The following CYP39A1 variants were observed in gnomAD, a reference collection of about 807,000 sequenced individuals.
CYP39A1 encodes the protein cytochrome P450 family 39 subfamily A member 1, also known as 24-hydroxycholesterol 7-alpha-hydroxylase.
Under a neutral mutation model 58.1 loss-of-function variants are expected in CYP39A1, and 49 were observed. That is an observed-to-expected ratio of 0.84 (90% CI 0.67 to 1.07). The LOEUF is 1.07. Among genes scored for constraint, CYP39A1 ranks in the 50% least tolerant of loss-of-function variants. The pLI is 0.00. For synonymous variants in CYP39A1, 209 were observed against 187.6 expected (o/e 1.11, Z -0.93); for missense variants, 531 against 539.4 (o/e 0.98, Z 0.16).
At chr6:46,561,635 C>T (rs146049146) in intron 10 of CYP39A1, among the ~76,000 whole-genome samples, 9 of 152,034 alleles carry the variant, frequency 5.9e-5, no homozygotes, top group East Asian at 3.9e-4. Context: ...ACTTTAATAA[C>T]GAAAGTGCCC....
At chr6:46,641,731 G>T (rs1776350742) in intron 2 of CYP39A1, among the ~76,000 whole-genome samples, 1 of 152,110 alleles carries the variant, frequency 6.6e-6, no homozygotes, top group Non-Finnish European at 1.5e-5. Flanking sequence ...TATAAAATTT[G>T]TCAGGAAATG....
At chr6:46,588,828 T>C (rs1187055467) in intron 8 of CYP39A1, among the ~76,000 whole-genome samples, 1 of 152,176 alleles carries the variant, frequency 6.6e-6, no homozygotes, top group South Asian at 2.1e-4. Flanking sequence ...AACAATGTGT[T>C]TCCTCAGGTA....
At chr6:46,604,449 A>G (rs1328304156) in intron 7 of CYP39A1, among the ~76,000 whole-genome samples, 2 of 152,218 alleles carry the variant, frequency 1.3e-5, no homozygotes, top group East Asian at 3.8e-4. Flanking sequence ...AGCCCTTGAG[A>G]GCAAAGTAAA....
At chr6:46,612,908 G>T (rs981353888) in intron 7 of CYP39A1, among the ~76,000 whole-genome samples, 6 of 152,190 alleles carry the variant, frequency 3.9e-5, no homozygotes, top group Non-Finnish European at 7.3e-5. Flanking sequence ...AGGGACTCAG[G>T]TCTACAATAT....
intron 7 of CYP39A1, among the ~76,000 whole-genome samples, chr6:46,613,312 C>T (rs1454845206): frequency 1.3e-5 from 2 of 152,156 alleles, no homozygotes; most frequent in Non-Finnish European, 2.9e-5. Flanking sequence ...CACAGTGGTA[C>T]CAAAAACCAC....
At chr6:46,644,990 G>GTATTA (rs1248422828) in intron 1 of CYP39A1, among the ~76,000 whole-genome samples, 1 of 152,058 alleles carries the variant, frequency 6.6e-6, no homozygotes, top group Non-Finnish European at 1.5e-5. Flanking sequence ...ACTGGATTTT[G>GTATTA]TATTATATTG....
At chr6:46,645,355 TG>T (rs1358659112) in intron 1 of CYP39A1, among the ~76,000 whole-genome samples, 1 of 152,170 alleles carries the variant, frequency 6.6e-6, no homozygotes, top group Admixed American at 6.5e-5. Context: ...TTGTGTGTGT[TG>T]GGGGTGGTTC....
At chr6:46,576,661 G>A (rs941142751) in intron 10 of CYP39A1, among the ~76,000 whole-genome samples, 4 of 152,136 alleles carry the variant, frequency 2.6e-5, no homozygotes, top group African/African-American at 9.7e-5. Flanking sequence ...CTGAATTTCT[G>A]GAAATGAGAA....
intron 10 of CYP39A1, among the ~76,000 whole-genome samples, chr6:46,556,491 C>T (rs747487579): frequency 2.6e-5 from 4 of 152,076 alleles, no homozygotes; most frequent in South Asian, 4.1e-4. Flanking sequence ...GAGAAAACTA[C>T]TGAGACGGAA....
chr6:46,565,619 C>A (rs1197787533), intron 10 of CYP39A1, among the ~76,000 whole-genome samples: 1 of 152,116 alleles, frequency 6.6e-6, no homozygotes, highest in Non-Finnish European at 1.5e-5. Context: ...CATGGACCCC[C>A]AGGATGAAGG....
chr6:46,585,699 A>T (rs1772434956), intron 10 of CYP39A1, among the ~76,000 whole-genome samples: 1 of 152,158 alleles, frequency 6.6e-6, no homozygotes. Flanking sequence ...AAAGTGACTT[A>T]AAAAGTAAGG....
intron 1 of CYP39A1, among the ~76,000 whole-genome samples, chr6:46,649,483 C>G (rs1762535959): frequency 1.3e-5 from 2 of 152,160 alleles, no homozygotes; most frequent in Non-Finnish European, 1.5e-5. Context: ...TACCATATGT[C>G]TATCGATGAG....
intron 6 of CYP39A1, among the ~76,000 whole-genome samples, chr6:46,625,832 T>A (rs1366022995): frequency 6.6e-6 from 1 of 152,102 alleles, no homozygotes; most frequent in East Asian, 1.9e-4. Flanking sequence ...TATATAGGCA[T>A]ATATTAAATT....
chr6:46,605,089 A>G (rs1256640142), intron 7 of CYP39A1, among the ~76,000 whole-genome samples: 1 of 152,160 alleles, frequency 6.6e-6, no homozygotes, highest in Non-Finnish European at 1.5e-5. Context: ...CAAACCTCAA[A>G]GCCATCCTGG....
At chr6:46,626,514 C>T (rs1050841001) in intron 6 of CYP39A1, among the ~76,000 whole-genome samples, 1 of 152,030 alleles carries the variant, frequency 6.6e-6, no homozygotes, top group African/African-American at 2.4e-5. Flanking sequence ...AGCAATTGTC[C>T]GAAAAGAAGT....
intron 10 of CYP39A1, among the ~76,000 whole-genome samples, chr6:46,586,670 C>T (rs1272452671): frequency 6.6e-6 from 1 of 152,060 alleles, no homozygotes; most frequent in Non-Finnish European, 1.5e-5. Context: ...CTAGTAAGTG[C>T]CTGCTATGCT....
At chr6:46,623,139 C>T (rs1455827482) in intron 7 of CYP39A1, among the ~76,000 whole-genome samples, 3 of 152,128 alleles carry the variant, frequency 2.0e-5, no homozygotes, top group South Asian at 2.1e-4. Context: ...GAGTCAGATT[C>T]CTGTTCCATG....
At chr6:46,625,649 T>C (rs1419235145) in intron 6 of CYP39A1, 141 bp from the exon 7 acceptor site, 7 of 477,692 alleles carry the variant, frequency 1.5e-5, no homozygotes. Context: ...AAAGCATATT[T>C]TGAAAACAAC....
chr6:46,553,133 A>C (rs1003930927), intron 11 of CYP39A1, among the ~76,000 whole-genome samples: 1 of 151,172 alleles, frequency 6.6e-6, no homozygotes, highest in African/African-American at 2.4e-5. Flanking sequence ...CCCTGTTCCT[A>C]CTGGATCAGA....
Sources: gnomAD v4.1 joint callset for allele counts (sites outside exome capture counted in the v4.1 genomes callset) on GRCh38, gnomAD v4.1.1 for gene constraint, MANE v1.5 for transcripts, NCBI Gene and HGNC (gene_info 2026-07-23, HGNC 2026-07-21) for gene names.